Variants in CHCHD3 observed in about 807,000 individuals in gnomAD.
The protein encoded by CHCHD3 is MICOS complex subunit MIC19.
A neutral mutation model predicts 38.2 loss-of-function variants in CHCHD3; 20 were observed. The observed-to-expected ratio is 0.52, with a 90% confidence interval of 0.37 to 0.76. The LOEUF (loss-of-function observed/expected upper bound fraction) is 0.76. Among genes scored for constraint, CHCHD3 ranks in the 30% least tolerant of loss-of-function variants. CHCHD3 has a pLI of 0.00. For missense variants in CHCHD3, 245 were observed against 279.2 expected (o/e 0.88, Z 0.87); for synonymous variants, 82 against 100.0 (o/e 0.82, Z 1.07).
At chr7:132,866,943 G>A (rs1324785727) in intron 5 of CHCHD3, among the ~76,000 whole-genome samples, 1 of 152,140 alleles carries the variant, frequency 6.6e-6, no homozygotes. Flanking sequence ...TGGCTCTTTT[G>A]GGTCCCTGCT....
intron 3 of CHCHD3, among the ~76,000 whole-genome samples, chr7:133,020,888 G>T (rs1813159463): frequency 1.3e-5 from 2 of 151,368 alleles, no homozygotes; most frequent in African/African-American, 4.9e-5. Flanking sequence ...CCTTAGCCCT[G>T]GGTTTCTCAC....
chr7:133,017,975 A>C (rs768899650), intron 3 of CHCHD3, among the ~76,000 whole-genome samples: 47 of 152,324 alleles, frequency 3.1e-4, no homozygotes, highest in African/African-American at 9.6e-4. Flanking sequence ...CCAGTGAAAA[A>C]TACTGGGTGG....
intron 2 of CHCHD3, among the ~76,000 whole-genome samples, chr7:133,040,683 A>C (rs780231123): frequency 2.0e-5 from 3 of 151,996 alleles, no homozygotes; most frequent in Non-Finnish European, 4.4e-5. Context: ...CCTCGGATTC[A>C]CTCTCTTATG....
Position 133,071,367 on chromosome 7 carries a change from T to G in CHCHD3, c.82-1138A>C, listed in dbSNP as rs368743976. On this transcript the variant is annotated intron_variant, in intron 1 of 7. Transcript: ENST00000262570. ...GCAAGAAAATAGAGAGAGGGCATAG[T>G]GAAAGAGAAGGTGGGGAGGGAAGGT... 1.4e-4 allele frequency among the ~76,000 whole-genome samples: 21 copies of G among 152,108 alleles called. 1 individual carries two copies. The highest frequency in any genetic ancestry group is 3.4e-3 in the Middle Eastern group (1 of 294).
rs185068313 is a variant in CHCHD3, at chr7:133,005,534, C to T, written c.251+19012G>A. 1.2e-4 allele frequency among the ~76,000 whole-genome samples: 19 copies of T among 152,214 alleles called. No homozygotes were observed. The East Asian group carries it at 2.1e-3, about 17-fold the overall frequency. Reference sequence around the variant, plus strand: ...AAGAAACAAAAATCACAAAAGTATACGCTATATAATTTTTTAAGCCCAAAG... The same window carrying T: ...AAGAAACAAAAATCACAAAAGTATATGCTATATAATTTTTTAAGCCCAAAG... On this transcript the variant is annotated intron_variant, in intron 3 of 7. Coordinates refer to ENST00000262570, the MANE Select transcript of CHCHD3 (RefSeq NM_017812.4).
intron 7 of CHCHD3, among the ~76,000 whole-genome samples, chr7:132,794,533 C>T (rs1029951088): frequency 3.3e-5 from 5 of 152,216 alleles, no homozygotes; most frequent in African/African-American, 1.2e-4. Flanking sequence ...CAATGTTGCC[C>T]ATCTCAGGAA....
chr7:133,044,213 T>C (rs117720059), intron 2 of CHCHD3, among the ~76,000 whole-genome samples: 126 of 152,312 alleles, frequency 8.3e-4, no homozygotes, highest in Middle Eastern at 3.4e-3. Context: ...ATCACAAAAC[T>C]CACTAGACAT....
At chr7:133,060,220 C>A (rs1814461952) in intron 2 of CHCHD3, among the ~76,000 whole-genome samples, 1 of 152,156 alleles carries the variant, frequency 6.6e-6, no homozygotes, top group Non-Finnish European at 1.5e-5. Context: ...TTACCTGCAG[C>A]AAACACACAC....
At chr7:132,853,529 G>C (rs182967958) in intron 5 of CHCHD3, among the ~76,000 whole-genome samples, 60 of 152,260 alleles carry the variant, frequency 3.9e-4, no homozygotes, top group African/African-American at 1.4e-3. Flanking sequence ...GGCTGAGGCT[G>C]GAGAATCACT....
chr7:132,979,285 TATACTTCTACTGTAATCCTGAG>T (rs2117340987), intron 3 of CHCHD3, among the ~76,000 whole-genome samples: 1 of 152,320 alleles, frequency 6.6e-6, no homozygotes, highest in East Asian at 1.9e-4. Flanking sequence ...GATGGGCACA[TATACTTCTACTGTAATCCTGAG>T]ATTTCTCACT....
intron 6 of CHCHD3, chr7:132,815,680 G>A (rs1158997736): frequency 2.0e-5 from 9 of 444,052 alleles, no homozygotes; most frequent in African/African-American, 1.2e-4. Flanking sequence ...TATGAAAATT[G>A]CATTATACAG....
chr7:132,818,282 C>T (rs1271274872), intron 6 of CHCHD3, among the ~76,000 whole-genome samples: 1 of 152,190 alleles, frequency 6.6e-6, no homozygotes, highest in African/African-American at 2.4e-5. Context: ...AATGTGTCCA[C>T]GACGTGGCAA....
At chr7:132,969,521 T>C (rs1396946093) in intron 4 of CHCHD3, among the ~76,000 whole-genome samples, 1 of 152,204 alleles carries the variant, frequency 6.6e-6, no homozygotes, top group Non-Finnish European at 1.5e-5. Context: ...GGACGTTTTT[T>C]ACATTGATTG....
intron 4 of CHCHD3, among the ~76,000 whole-genome samples, chr7:132,912,917 T>C (rs1192106402): frequency 6.6e-6 from 1 of 152,190 alleles, no homozygotes; most frequent in Non-Finnish European, 1.5e-5. Context: ...TGGTTTAATA[T>C]GTAAAGTGCT....
intron 3 of CHCHD3, among the ~76,000 whole-genome samples, chr7:132,996,230 T>G (rs1449269238): frequency 6.6e-6 from 1 of 152,204 alleles, no homozygotes; most frequent in Non-Finnish European, 1.5e-5. Flanking sequence ...AAGCCCACCC[T>G]TCTGTGGACC....
chr7:132,917,215 T>A (rs1250105882), intron 4 of CHCHD3, among the ~76,000 whole-genome samples: 1 of 152,134 alleles, frequency 6.6e-6, no homozygotes, highest in East Asian at 1.9e-4. Flanking sequence ...GGAAAAAGAT[T>A]AAACAACAGA....
intron 4 of CHCHD3, among the ~76,000 whole-genome samples, chr7:132,970,098 C>T (rs567981725): frequency 1.3e-5 from 2 of 152,274 alleles, no homozygotes; most frequent in East Asian, 3.9e-4. Flanking sequence ...ATCCCCTGCA[C>T]ACACACACCC....
chr7:133,015,321 C>A (rs780810334), intron 3 of CHCHD3, among the ~76,000 whole-genome samples: 11 of 149,866 alleles, frequency 7.3e-5, no homozygotes, highest in African/African-American at 2.7e-4. Context: ...CCAACCTGGG[C>A]GACAGAGCCA....
intron 5 of CHCHD3, among the ~76,000 whole-genome samples, chr7:132,862,350 A>G (rs1808517264): frequency 6.6e-6 from 1 of 152,250 alleles, no homozygotes. Flanking sequence ...CAATAAAGTG[A>G]GTCATGCAAA....
Sources: allele counts gnomAD v4.1 joint callset (sites outside exome capture counted in the v4.1 genomes callset), GRCh38; gene constraint gnomAD v4.1.1; transcripts MANE v1.5; gene names NCBI Gene and HGNC (gene_info 2026-07-23, HGNC 2026-07-21).